The following PTPRD variants were observed in gnomAD, a reference collection of about 807,000 sequenced individuals.
The protein encoded by PTPRD is protein tyrosine phosphatase receptor type D, also known as receptor-type tyrosine-protein phosphatase delta.
Under a neutral mutation model 214.5 loss-of-function variants are expected in PTPRD, and 34 were observed. That is an observed-to-expected ratio of 0.16 (90% CI 0.12 to 0.21). The LOEUF (loss-of-function observed/expected upper bound fraction) is 0.21. PTPRD is among the 10% of genes least tolerant of loss of function. The pLI, the probability that PTPRD is intolerant of heterozygous loss-of-function variation, is 1.00. For synonymous variants in PTPRD, 1,128 were observed against 845.7 expected (o/e 1.33, Z -5.79); for missense variants, 2,545 against 2,398.7 (o/e 1.06, Z -1.27).
chr9:9,839,090 T>C (rs1414068933), intron 5 of PTPRD, among the ~76,000 whole-genome samples: 2 of 152,210 alleles, frequency 1.3e-5, no homozygotes. Flanking sequence ...TATGCGGCGT[T>C]ATTTTTGAGG....
At chr9:10,421,980 A>G (rs1295381444) in intron 2 of PTPRD, among the ~76,000 whole-genome samples, 1 of 151,950 alleles carries the variant, frequency 6.6e-6, no homozygotes, top group Non-Finnish European at 1.5e-5. Flanking sequence ...AAATTCATTC[A>G]TTATAGAAAT....
intron 25 of PTPRD, 80 bp from the exon 26 acceptor site, chr9:8,497,348 C>G (rs751822546): frequency 8.5e-5 from 102 of 1,202,976 alleles, no homozygotes; most frequent in Non-Finnish European, 1.1e-4. Flanking sequence ...CAGTGTTGCC[C>G]TTGTTAGATT....
At chr9:9,254,799 G>A (rs1370585871) in intron 9 of PTPRD, among the ~76,000 whole-genome samples, 1 of 151,910 alleles carries the variant, frequency 6.6e-6, no homozygotes, top group Non-Finnish European at 1.5e-5. Context: ...TTTACTTTTT[G>A]TTCCTGTATT....
chr9:9,619,525 A>G lies in PTPRD; in HGVS notation c.-286-44744T>C, dbSNP rs1291725211. ...TATATTATATAAATATAATATATAA[A>G]TGACTATATTTATATAGAAATTCCA... On this transcript the variant is annotated intron_variant, in intron 7 of 45. Transcript: ENST00000381196. Among the ~76,000 whole-genome samples the G allele has an allele frequency of 4.1e-5, 6 of 146,852 alleles. No individual in the cohort carries two copies. In the Admixed American group the frequency reaches 4.1e-4, roughly 10 times the overall value.
intron 9 of PTPRD, among the ~76,000 whole-genome samples, chr9:9,212,963 G>C (rs187575287): frequency 2.6e-5 from 4 of 152,150 alleles, no homozygotes; most frequent in Non-Finnish European, 4.4e-5. Flanking sequence ...AGTTCTCTAA[G>C]ATTCTATAGA....
rs554518006 is a variant in PTPRD at position 10,612,717 on chromosome 9, G to C, written c.-737C>G. ...ACTCTCCCCGCCGAGGCTGGCTGGC[G>C]GCGCCGCGCCGGAGGGGAGGAGGCT... is the stretch of plus-strand genomic sequence containing the variant. On this transcript the variant is annotated 5_prime_UTR_variant, in exon 1 of 46. Coordinates refer to ENST00000381196, the MANE Select transcript of PTPRD (RefSeq NM_002839.4). 5.8e-4 allele frequency: 88 copies of C among 152,762 alleles called. No individual in the cohort carries two copies. Among genetic ancestry groups the C allele is most frequent in the African/African-American group, 2.1e-3 (87 of 41,590 alleles). 9.5% of individuals were successfully genotyped at this position (152,762 alleles called of 1,614,324 possible). A position where few individuals can be genotyped will look rare whatever the true frequency, so the allele number is the denominator to read the frequency against.
At chr9:9,755,989 G>A (rs371584117) in intron 6 of PTPRD, among the ~76,000 whole-genome samples, 1 of 151,722 alleles carries the variant, frequency 6.6e-6, no homozygotes, top group East Asian at 1.9e-4. Context: ...TAATTAGACC[G>A]AGGTTAGAGC....
intron 2 of PTPRD, among the ~76,000 whole-genome samples, chr9:10,349,591 T>A: frequency 6.6e-6 from 1 of 152,130 alleles, no homozygotes; most frequent in East Asian, 1.9e-4. Flanking sequence ...TTTGAATAGG[T>A]CTTTAAGTTA....
chr9:9,137,305 A>G (rs748471779), intron 10 of PTPRD, among the ~76,000 whole-genome samples: 6 of 152,172 alleles, frequency 3.9e-5, no homozygotes, highest in Non-Finnish European at 8.8e-5. Context: ...GTTTTAAACC[A>G]GGTGTGACAA....
chr9:8,986,600 A>T (rs967971989), intron 11 of PTPRD, among the ~76,000 whole-genome samples: 5 of 152,058 alleles, frequency 3.3e-5, no homozygotes, highest in African/African-American at 1.2e-4. Flanking sequence ...TTATGTTTTG[A>T]CAATTTTTAA....
At chr9:9,740,245 A>G (rs985225217) in intron 6 of PTPRD, among the ~76,000 whole-genome samples, 2 of 152,192 alleles carry the variant, frequency 1.3e-5, no homozygotes, top group Non-Finnish European at 1.5e-5. Flanking sequence ...TATAAGCTAC[A>G]TCATTTTTCC....
At chr9:9,832,820 G>T (rs946344208) in intron 5 of PTPRD, among the ~76,000 whole-genome samples, 2 of 151,536 alleles carry the variant, frequency 1.3e-5, no homozygotes, top group Admixed American at 6.6e-5. Context: ...CTGTAGCAGA[G>T]CAAAAATATA....
intron 12 of PTPRD, among the ~76,000 whole-genome samples, chr9:8,640,729 A>G (rs113892638): frequency 0.021 from 3,178 of 151,590 alleles, 99 homozygotes; most frequent in African/African-American, 0.071. Context: ...CATCGGCCTC[A>G]CTGACAAGAA....
In PTPRD at chr9:8,486,185, C is replaced by A. The variant is rs2135960279; in HGVS notation, c.2632G>T (p.Asp878Tyr). The part of the protein sequence containing the change: ...LTTLEFSEKE[D>Y]HFTATDIHKG... ...TGGATGTCTGTAGCTGTAAAGTGAT[C>A]TTCTTTTTCAGAGAACTCAAGAGTA... is the stretch of plus-strand genomic sequence containing the variant. Residue 878 changes from aspartate (D) to tyrosine (Y), a missense_variant, in exon 28 of 46, where the codon GAT becomes TAT. Coordinates refer to ENST00000381196, the MANE Select transcript of PTPRD (RefSeq NM_002839.4). 6.2e-7 allele frequency: 1 copy of A among 1,614,180 alleles called. No individual in the cohort carries two copies. Among genetic ancestry groups the A allele is most frequent in the Non-Finnish European group, 8.5e-7 (1 of 1,180,026 alleles).
At chr9:9,837,176 A>T (rs1208982111) in intron 5 of PTPRD, among the ~76,000 whole-genome samples, 2 of 152,134 alleles carry the variant, frequency 1.3e-5, no homozygotes, top group Non-Finnish European at 2.9e-5. Flanking sequence ...TAAATTTTCA[A>T]TGTAGCTCCC....
chr9:9,936,805 G>A (rs1354927983), intron 5 of PTPRD, among the ~76,000 whole-genome samples: 1 of 141,200 alleles, frequency 7.1e-6, no homozygotes, highest in Non-Finnish European at 1.5e-5. Context: ...ATTCACAATA[G>A]CAAAGACTTG....
intron 3 of PTPRD, among the ~76,000 whole-genome samples, chr9:10,060,222 A>G (rs1252885367): frequency 6.6e-6 from 1 of 152,058 alleles, no homozygotes; most frequent in Non-Finnish European, 1.5e-5. Flanking sequence ...CCAATTTCAT[A>G]TATGCGTTAT....
At chr9:8,359,080 C>T (rs1343445943) in intron 39 of PTPRD, among the ~76,000 whole-genome samples, 4 of 114,972 alleles carry the variant, frequency 3.5e-5, no homozygotes, top group Middle Eastern at 5.2e-3. Flanking sequence ...TGCACTCCCA[C>T]CTGGGCCACA....
At chr9:10,364,378 GATGGGCTA>G (rs943084897) in intron 2 of PTPRD, among the ~76,000 whole-genome samples, 2 of 151,972 alleles carry the variant, frequency 1.3e-5, no homozygotes, top group Non-Finnish European at 2.9e-5. Context: ...GCATCTATTT[GATGGGCTA>G]ATCAAGGACT....
Sources: allele counts gnomAD v4.1 joint callset (sites outside exome capture counted in the v4.1 genomes callset), GRCh38; gene constraint gnomAD v4.1.1; transcripts MANE v1.5; gene names NCBI Gene and HGNC (gene_info 2026-07-23, HGNC 2026-07-21).